EZR: variants seen among roughly 807,000 people sequenced by gnomAD.
The protein encoded by EZR is ezrin, also known as cytovillin 2.
Under a neutral mutation model 74.8 loss-of-function variants are expected in EZR, and 40 were observed. The ratio of observed to expected loss-of-function variants is 0.53; its 90% CI spans 0.42 to 0.70. The LOEUF (loss-of-function observed/expected upper bound fraction) is 0.70. EZR is among the 30% of genes least tolerant of loss of function. EZR has a pLI of 0.00. For synonymous variants in EZR, 341 were observed against 283.3 expected, an observed-to-expected ratio of 1.20 and a Z score of -2.05; for missense variants, 678 against 755.8, an observed-to-expected ratio of 0.90 and a Z score of 1.21.
chr6:158,805,264 G>A (rs1196700188), intron 2 of EZR, among the ~76,000 whole-genome samples: 1 of 150,122 alleles, frequency 6.7e-6, no homozygotes, highest in Non-Finnish European at 1.5e-5. Flanking sequence ...GCTTGAACCA[G>A]GGAGTCGGAG....
chr6:158,798,552 G>A (rs1157719534), intron 2 of EZR, among the ~76,000 whole-genome samples: 2 of 151,958 alleles, frequency 1.3e-5, no homozygotes, highest in African/African-American at 4.8e-5. Flanking sequence ...CCAGGGCAGA[G>A]CTGAGAGGCT....
intron 2 of EZR, among the ~76,000 whole-genome samples, chr6:158,795,294 C>A (rs1244285845): frequency 6.6e-6 from 1 of 151,864 alleles, no homozygotes; most frequent in Non-Finnish European, 1.5e-5. Context: ...TATTTGTTGG[C>A]CAAATATAAT....
At position 158,794,255 on chromosome 6, in the gene EZR, G is replaced by A. The variant is rs9347256; in HGVS notation, c.13-4884C>T. 9.5e-4 allele frequency among the ~76,000 whole-genome samples: 145 copies of A among 152,286 alleles called. No homozygotes were observed. In the East Asian group the frequency reaches 0.025, roughly 27 times the overall value. ...AGATCGCGCCACTGCACTCCAGCCT[G>A]GGTGATACAGCGAAGACTCAAAACC... On this transcript the variant is annotated intron_variant, in intron 2 of 13. Coordinates refer to ENST00000367075, the MANE Select transcript of EZR (RefSeq NM_001111077.2).
At chr6:158,768,271 TC>T (rs1790974880) in intron 12 of EZR, among the ~76,000 whole-genome samples, 1 of 151,918 alleles carries the variant, frequency 6.6e-6, no homozygotes, top group South Asian at 2.1e-4. Context: ...GGTGCCTGCT[TC>T]CCCTTCGCCT....
intron 9 of EZR, 27 bp downstream of exon 9, chr6:158,771,217 C>T (rs1377104150): frequency 1.9e-6 from 3 of 1,585,452 alleles, no homozygotes; most frequent in South Asian, 2.3e-5. Context: ...AACACAGGCC[C>T]CCCCCACTCT....
At chr6:158,786,657 C>CCA (rs1791589884) in intron 4 of EZR, among the ~76,000 whole-genome samples, 2 of 144,772 alleles carry the variant, frequency 1.4e-5, no homozygotes, top group African/African-American at 5.0e-5. Context: ...GTGGGGGTTT[C>CCA]AAAAAAAAAA....
rs140521249 is a variant in EZR, at chr6:158,814,381, C to G, written c.12+3701G>C. 8.2e-3 allele frequency among the ~76,000 whole-genome samples: 729 copies of G among 89,178 alleles called. 3 individuals carry two copies. Among genetic ancestry groups the G allele is most frequent in the African/African-American group, 0.042 (686 of 16,436 alleles). 58.5% of individuals were successfully genotyped at this position (89,178 alleles called of 152,430 possible). ...ATTTTCCTTTCCCCATCAGATTTTC[C>G]TCTCGACGTTACCTAGGCTCTTTCC... On this transcript the variant is annotated intron_variant, in intron 2 of 13. Coordinates refer to ENST00000367075, the MANE Select transcript of EZR (RefSeq NM_001111077.2).
At chr6:158,793,403 AAT>A (rs759378798) in intron 2 of EZR, among the ~76,000 whole-genome samples, 10 of 151,256 alleles carry the variant, frequency 6.6e-5, no homozygotes, top group Admixed American at 5.9e-4. Flanking sequence ...TCACAGTTTT[AAT>A]ATATATATAT....
At position 158,785,295 on chromosome 6, in the gene EZR, C is replaced by A; in HGVS notation, c.467+14G>T. The A allele has an allele frequency of 6.2e-7, 1 of 1,611,004 alleles. No individual in the cohort carries two copies. The highest frequency in any genetic ancestry group is 1.1e-5 in the South Asian group (1 of 90,992). ...ATGACTGCTCCTGCCCAGGCCGGGTCATCCTGTGCTCACCTTTGAGGGATC... is the reference window on the plus strand; with the variant it reads ...ATGACTGCTCCTGCCCAGGCCGGGTAATCCTGTGCTCACCTTTGAGGGATC... On this transcript the variant is annotated intron_variant, in intron 5 of 13. Transcript: ENST00000367075.
chr6:158,784,136 G>C (rs16889158), intron 6 of EZR, among the ~76,000 whole-genome samples: 2 of 152,118 alleles, frequency 1.3e-5, no homozygotes, highest in South Asian at 4.1e-4. Flanking sequence ...ATGCAGACTC[G>C]CAAGACTAGG....
intron 11 of EZR, 75 bp from the exon 12 acceptor site, chr6:158,769,493 G>C (rs2128564355): frequency 1.4e-6 from 2 of 1,449,846 alleles, no homozygotes; most frequent in Non-Finnish European, 1.9e-6. Flanking sequence ...GAGTGTTCAT[G>C]TGTGTTGGCA....
intron 2 of EZR, among the ~76,000 whole-genome samples, chr6:158,802,069 CCCA>C (rs2128574151): frequency 6.6e-6 from 1 of 152,338 alleles, no homozygotes; most frequent in South Asian, 2.1e-4. Context: ...AAAAACGTAA[CCCA>C]CCACAACGTA....
At chr6:158,780,348 A>G (rs549059647) in intron 7 of EZR, among the ~76,000 whole-genome samples, 1 of 152,356 alleles carries the variant, frequency 6.6e-6, no homozygotes, top group South Asian at 2.1e-4. Flanking sequence ...TAAATTTTAC[A>G]TCAAAAGAAC....
chr6:158,798,626 T>G (rs879829817), intron 2 of EZR, among the ~76,000 whole-genome samples: 48,103 of 117,832 alleles, frequency 0.41, 8,491 homozygotes, highest in Non-Finnish European at 0.49. Flanking sequence ...GCTCCGCTTT[T>G]TTTTTTTTTT....
intron 10 of EZR, 23 bp from the exon 11 acceptor site, chr6:158,769,967 C>G (rs1306793857): frequency 6.2e-7 from 1 of 1,605,298 alleles, no homozygotes; most frequent in East Asian, 2.2e-5. Flanking sequence ...AAAGCCAGAG[C>G]CATTCAAACC....
chr6:158,807,731 G>A (rs1412287196), intron 2 of EZR, among the ~76,000 whole-genome samples: 1 of 152,152 alleles, frequency 6.6e-6, no homozygotes, highest in African/African-American at 2.4e-5. Flanking sequence ...CCCTGACGAT[G>A]TATTAGACAT....
Position 158,767,128 on chromosome 6 carries a change from G to A in EZR, c.1597-50C>T, listed in dbSNP as rs200372860. 1.9e-4 allele frequency: 303 copies of A among 1,604,312 alleles called. No individual in the cohort carries two copies. In the African/African-American group the frequency reaches 2.6e-3, roughly 14 times the overall value. ...TAGTCCCTTCCTCCCCATATGGCCC[G>A]GCCCGTCCCCTAGGAAAACAGGAAG... On this transcript the variant is annotated intron_variant, in intron 13 of 13. Transcript: ENST00000367075.
At chr6:158,797,808 T>C (rs1000645897) in intron 2 of EZR, among the ~76,000 whole-genome samples, 2 of 152,248 alleles carry the variant, frequency 1.3e-5, no homozygotes, top group Non-Finnish European at 2.9e-5. Flanking sequence ...TGAGTCACTA[T>C]GTACTTTAAA....
At position 158,769,950 on chromosome 6, in the gene EZR, A is replaced by G. The variant is rs185989302; in HGVS notation, c.1091-6T>C. 4.4e-5 allele frequency: 70 copies of G among 1,608,662 alleles called. No individual in the cohort carries two copies. Among genetic ancestry groups the G allele is most frequent in the Non-Finnish European group, 8.5e-6 (10 of 1,179,948 alleles). On this transcript the variant is annotated splice_region_variant and splice_polypyrimidine_tract_variant and intron_variant, in intron 10 of 13. Coordinates refer to ENST00000367075, the MANE Select transcript of EZR (RefSeq NM_001111077.2). ...CTGAATCTGCTCCGAGAGCTCTGCA[A>G]AGACACAAAGCCAGAGCCATTCAAA...
Sources: allele counts gnomAD v4.1 joint callset (sites outside exome capture counted in the v4.1 genomes callset), GRCh38; gene constraint gnomAD v4.1.1; transcripts MANE v1.5; gene names NCBI Gene and HGNC (gene_info 2026-07-23, HGNC 2026-07-21).